The following CYB5R4 variants were observed in gnomAD, a reference collection of about 807,000 sequenced individuals.
The protein encoded by CYB5R4 is cytochrome b5 reductase 4.
CYB5R4 carries 55 observed loss-of-function variants against 70.2 expected under a neutral mutation model. The observed-to-expected ratio is 0.78, with a 90% CI of 0.63 to 0.98. The LOEUF (loss-of-function observed/expected upper bound fraction) is 0.98, where lower values mean the gene tolerates loss of function less well. CYB5R4 is among the 50% of genes least tolerant of loss of function. The pLI, the probability that CYB5R4 is intolerant of heterozygous loss-of-function variation, is 0.00. For missense variants in CYB5R4, 562 were observed against 612.6 expected, an observed-to-expected ratio of 0.92 and a Z score of 0.87; for synonymous variants, 197 against 199.5, an observed-to-expected ratio of 0.99 and a Z score of 0.11.
chr6:83,887,861 C>T (rs916590862), intron 2 of CYB5R4, among the ~76,000 whole-genome samples: 13 of 152,182 alleles, frequency 8.5e-5, no homozygotes, highest in Admixed American at 4.6e-4. Context: ...TAAATCCCCC[C>T]TTTGCCACTG....
rs1357603468 is a variant in CYB5R4 at position 83,920,580 on chromosome 6, C to G, written c.565-502C>G. Among the ~76,000 whole-genome samples the G allele has an allele frequency of 4.0e-5, 6 of 151,830 alleles. 1 individual carries two copies. Among genetic ancestry groups the G allele is most frequent in the Non-Finnish European group, 7.4e-5 (5 of 67,982 alleles). ...AAATAATATATATCTTACACCAAGG[C>G]TATGTAGAAGTTAGAGACATCTAAA... On this transcript the variant is annotated intron_variant, in intron 7 of 15. Coordinates refer to ENST00000369681, the MANE Select transcript of CYB5R4 (RefSeq NM_016230.4).
intron 2 of CYB5R4, among the ~76,000 whole-genome samples, chr6:83,891,679 T>C (rs534389304): frequency 6.2e-4 from 94 of 152,330 alleles, no homozygotes; most frequent in Non-Finnish European, 1.2e-3. Flanking sequence ...CTAGTTTTTT[T>C]CGTCTGGAAA....
At chr6:83,886,062 T>G (rs1158572587) in intron 2 of CYB5R4, among the ~76,000 whole-genome samples, 1 of 152,204 alleles carries the variant, frequency 6.6e-6, no homozygotes, top group East Asian at 1.9e-4. Flanking sequence ...CTTACAGTTA[T>G]AGAGGCTGAG....
chr6:83,908,287 ATT>A (rs1195417136), intron 3 of CYB5R4, among the ~76,000 whole-genome samples: 1 of 151,680 alleles, frequency 6.6e-6, no homozygotes, highest in Non-Finnish European at 1.5e-5. Flanking sequence ...TCTTTTTTTA[ATT>A]TATTTTAAGT....
intron 2 of CYB5R4, among the ~76,000 whole-genome samples, chr6:83,873,352 G>A (rs1042322670): frequency 1.4e-5 from 2 of 147,240 alleles, no homozygotes; most frequent in African/African-American, 5.1e-5. Flanking sequence ...TGATTCTCGT[G>A]CCTCAGCCTC....
intron 14 of CYB5R4, among the ~76,000 whole-genome samples, chr6:83,952,121 G>A (rs2099471642): frequency 6.6e-6 from 1 of 152,098 alleles, no homozygotes. Context: ...AAAAGAGAGA[G>A]GGGAAATAAA....
At chr6:83,959,360 T>C (rs1296817325) in intron 15 of CYB5R4, among the ~76,000 whole-genome samples, 1 of 152,138 alleles carries the variant, frequency 6.6e-6, no homozygotes, top group African/African-American at 2.4e-5. Context: ...TATTAAGTTA[T>C]GGAAAATATG....
intron 4 of CYB5R4, among the ~76,000 whole-genome samples, chr6:83,911,653 A>T (rs545291829): frequency 1.3e-5 from 2 of 152,130 alleles, no homozygotes; most frequent in African/African-American, 4.8e-5. Context: ...TACTTCTTCT[A>T]TAGAGTCCTT....
intron 15 of CYB5R4, among the ~76,000 whole-genome samples, chr6:83,959,532 A>G (rs1371059376): frequency 2.0e-5 from 3 of 152,214 alleles, no homozygotes; most frequent in Non-Finnish European, 4.4e-5. Context: ...TAAAAGACTT[A>G]TCAGCCAATC....
Position 83,959,871 on chromosome 6 carries a change from C to T in CYB5R4, c.1559C>T (p.Thr520Ile), listed in dbSNP as rs1183732960. The T allele has an allele frequency of 5.6e-6, 9 of 1,597,852 alleles. No homozygotes were observed. The highest frequency in any genetic ancestry group is 7.7e-6 in the Non-Finnish European group (9 of 1,173,040). Residue 520 changes from threonine (T) to isoleucine (I), a missense_variant, in exon 16 of 16, where the codon ACA (threonine) becomes ATA (isoleucine). Thr to Ile is a moderately conservative substitution (Grantham distance 89, BLOSUM62 -1). Transcript: ENST00000369681. ...TCCAAAAATGAGATCCATAGTTTTA[C>T]AGCATAATGAAGAGCTGTCATTGTC... ...NFSKNEIHSF[T>I]A
chr6:83,950,165 A>G (rs981997086), intron 14 of CYB5R4, among the ~76,000 whole-genome samples: 1 of 152,116 alleles, frequency 6.6e-6, no homozygotes, highest in Admixed American at 6.6e-5. Context: ...TCTGATTTTC[A>G]TGTCATTAAG....
chr6:83,868,956 A>G (rs2099457149), intron 2 of CYB5R4, among the ~76,000 whole-genome samples: 1 of 152,230 alleles, frequency 6.6e-6, no homozygotes, highest in Admixed American at 6.5e-5. Flanking sequence ...TATTTCAAAA[A>G]AAGTTGACTA....
At chr6:83,909,970 A>C in intron 4 of CYB5R4, 1 of 1,490,610 alleles carries the variant, frequency 6.7e-7, no homozygotes, top group Non-Finnish European at 9.2e-7. Context: ...AAACCATCTT[A>C]TATGCATTAG....
At chr6:83,947,394 C>A (rs1345551553) in intron 14 of CYB5R4, among the ~76,000 whole-genome samples, 1 of 151,822 alleles carries the variant, frequency 6.6e-6, no homozygotes, top group Non-Finnish European at 1.5e-5. Flanking sequence ...ACACCTTATG[C>A]AAAAATTAAG....
chr6:83,946,206 A>G (rs2099470585), intron 14 of CYB5R4, among the ~76,000 whole-genome samples: 1 of 152,226 alleles, frequency 6.6e-6, no homozygotes, highest in Non-Finnish European at 1.5e-5. Context: ...CCAGCAGCAC[A>G]TTAAAAAGCT....
At chr6:83,864,885 C>A (rs1038377003) in intron 2 of CYB5R4, among the ~76,000 whole-genome samples, 1 of 151,832 alleles carries the variant, frequency 6.6e-6, no homozygotes, top group South Asian at 2.1e-4. Flanking sequence ...GGTGAGCAGG[C>A]AGACAAGAAG....
At position 83,864,344 on chromosome 6, in the gene CYB5R4, T is replaced by C; in HGVS notation, c.229+16T>C. On this transcript the variant is annotated intron_variant, in intron 2 of 15. Transcript: ENST00000369681. ...TGCATAAGAGGTAGGTGGTATTTAT[T>C]AAGTCCTTCAAAAAATGTTGCCTGA... 1 of 1,595,098 alleles carries C rather than the reference T, an allele frequency of 6.3e-7. No homozygotes were observed. Among genetic ancestry groups the C allele is most frequent in the Non-Finnish European group, 8.5e-7 (1 of 1,171,910 alleles).
chr6:83,869,603 CG>C (rs750925455), intron 2 of CYB5R4, among the ~76,000 whole-genome samples: 2 of 152,262 alleles, frequency 1.3e-5, no homozygotes, highest in Non-Finnish European at 2.9e-5. Flanking sequence ...CCAAGGCAGG[CG>C]GATCACCTGA....
intron 3 of CYB5R4, among the ~76,000 whole-genome samples, chr6:83,901,727 T>G (rs575450546): frequency 7.2e-4 from 108 of 150,936 alleles, no homozygotes; most frequent in African/African-American, 2.6e-3. Flanking sequence ...GTAATAGCCA[T>G]TCTATCTGGG....
Sources: gnomAD v4.1 joint callset for allele counts (sites outside exome capture counted in the v4.1 genomes callset) on GRCh38, gnomAD v4.1.1 for gene constraint, MANE v1.5 for transcripts, NCBI Gene and HGNC (gene_info 2026-07-23, HGNC 2026-07-21) for gene names.